Variants in PLD5 observed in about 807,000 individuals in gnomAD.
The protein encoded by PLD5 is inactive phospholipase D5.
A neutral mutation model predicts 61.1 loss-of-function variants in PLD5; 36 were observed. The ratio of observed to expected loss-of-function variants is 0.59; its 90% confidence interval spans 0.45 to 0.78. The LOEUF is 0.78. Ranked by LOEUF, PLD5 falls within the 30% of genes least tolerant of loss-of-function variation. The pLI, the probability that PLD5 is intolerant of heterozygous loss-of-function variation, is 0.00. For synonymous variants in PLD5, 243 were observed against 242.8 expected (o/e 1.00, Z -0.01); for missense variants, 515 against 644.4 (o/e 0.80, Z 2.17).
chr1:242,514,354 C>T (rs913147814), intron 1 of PLD5, among the ~76,000 whole-genome samples: 1 of 152,174 alleles, frequency 6.6e-6, no homozygotes, highest in African/African-American at 2.4e-5. Context: ...CAGTACGAAC[C>T]ATCACCAAGA....
At chr1:242,480,859 G>A (rs192912612) in intron 1 of PLD5, among the ~76,000 whole-genome samples, 81 of 152,256 alleles carry the variant, frequency 5.3e-4, no homozygotes, top group Middle Eastern at 3.4e-3. Context: ...GCATGTGTTG[G>A]CGAGGATGTG....
At chr1:242,229,503 C>T (rs1174953429) in intron 4 of PLD5, among the ~76,000 whole-genome samples, 3 of 152,116 alleles carry the variant, frequency 2.0e-5, no homozygotes, top group African/African-American at 7.2e-5. Flanking sequence ...TACATATATG[C>T]ATATCCTGTT....
intron 5 of PLD5, among the ~76,000 whole-genome samples, chr1:242,144,667 G>A (rs1034897025): frequency 4.6e-5 from 7 of 152,196 alleles, no homozygotes; most frequent in African/African-American, 1.7e-4. Context: ...TGTGGTCCCA[G>A]CTATTCAGGA....
intron 3 of PLD5, among the ~76,000 whole-genome samples, chr1:242,284,682 C>A (rs1674920209): frequency 6.6e-6 from 1 of 152,142 alleles, no homozygotes; most frequent in South Asian, 2.1e-4. Context: ...AGTCACTTGG[C>A]CACCAACAAA....
At chr1:242,380,130 A>G (rs1388187740) in intron 1 of PLD5, among the ~76,000 whole-genome samples, 1 of 152,194 alleles carries the variant, frequency 6.6e-6, no homozygotes, top group Non-Finnish European at 1.5e-5. Flanking sequence ...CAAACTATGA[A>G]AGAGAGCTAA....
chr1:242,301,028 T>A (rs1230030169), intron 2 of PLD5, among the ~76,000 whole-genome samples: 4 of 152,182 alleles, frequency 2.6e-5, no homozygotes, highest in Non-Finnish European at 4.4e-5. Flanking sequence ...TTACTCACAC[T>A]GCCCTAGGAG....
At chr1:242,213,470 C>A (rs1314571541) in intron 5 of PLD5, among the ~76,000 whole-genome samples, 2 of 152,112 alleles carry the variant, frequency 1.3e-5, no homozygotes, top group African/African-American at 2.4e-5. Context: ...TGAAAAAGCA[C>A]AAATGTCCTC....
rs576917494 is a variant in PLD5, at chr1:242,114,166, G to T, written c.934-140C>A. The T allele has an allele frequency of 6.7e-5, 61 of 907,526 alleles. No homozygotes were observed. In the South Asian group the frequency reaches 1.0e-3, roughly 15 times the overall value. The allele number at this position is 907,526 out of a possible 1,614,324, so 56.2% of individuals were successfully genotyped here. ...TTTCTGCTTCATCAAATTAGACAAA[G>T]ATATTTTCAATCTTATCAAAGTTGA... On this transcript the variant is annotated intron_variant, in intron 6 of 9. Coordinates refer to ENST00000536534, the MANE Select transcript of PLD5 (RefSeq NM_001372062.1).
At chr1:242,182,712 A>G (rs1423842416) in intron 5 of PLD5, among the ~76,000 whole-genome samples, 1 of 152,090 alleles carries the variant, frequency 6.6e-6, no homozygotes, top group Non-Finnish European at 1.5e-5. Context: ...GCATGGTGGC[A>G]CACGCCCGAA....
intron 5 of PLD5, chr1:242,147,577 A>C (rs1328919484): frequency 6.6e-6 from 1 of 152,196 alleles, no homozygotes; most frequent in Non-Finnish European, 1.5e-5. Flanking sequence ...TTAACTTCTT[A>C]AGAATTTGCC....
intron 5 of PLD5, among the ~76,000 whole-genome samples, chr1:242,177,373 G>T (rs1295529409): frequency 6.6e-6 from 1 of 152,052 alleles, no homozygotes; most frequent in African/African-American, 2.4e-5. Flanking sequence ...AATGAGAACA[G>T]ACAGACACAG....
intron 4 of PLD5, among the ~76,000 whole-genome samples, chr1:242,260,171 A>T (rs370526133): frequency 1.3e-5 from 2 of 151,956 alleles, no homozygotes; most frequent in East Asian, 1.9e-4. Context: ...ATATGGTGAA[A>T]CTCCATCTCT....
At chr1:242,351,506 G>A (rs1660475692) in intron 1 of PLD5, among the ~76,000 whole-genome samples, 1 of 152,076 alleles carries the variant, frequency 6.6e-6, no homozygotes. Context: ...TTTATGAAGG[G>A]CAGTCCCCCT....
intron 5 of PLD5, among the ~76,000 whole-genome samples, chr1:242,207,500 T>C (rs986885287): frequency 6.6e-6 from 1 of 152,036 alleles, no homozygotes; most frequent in Non-Finnish European, 1.5e-5. Flanking sequence ...ACTGGGATGC[T>C]TTGCTCCTGC....
chr1:242,198,225 A>G (rs976557108), intron 5 of PLD5, among the ~76,000 whole-genome samples: 2 of 152,226 alleles, frequency 1.3e-5, no homozygotes, highest in African/African-American at 4.8e-5. Flanking sequence ...GATAAAGATT[A>G]TAAGTGTTTG....
intron 5 of PLD5, among the ~76,000 whole-genome samples, chr1:242,130,972 A>C (rs1013012497): frequency 1.7e-4 from 26 of 152,118 alleles, no homozygotes; most frequent in African/African-American, 6.3e-4. Context: ...ACTGTAGTCC[A>C]CTGTCAAGAA....
At chr1:242,511,786 T>C (rs1023954220) in intron 1 of PLD5, among the ~76,000 whole-genome samples, 1 of 152,180 alleles carries the variant, frequency 6.6e-6, no homozygotes, top group Non-Finnish European at 1.5e-5. Context: ...GGGACATTAA[T>C]TTAAAAACTA....
chr1:242,214,191 G>A (rs1669999489), intron 5 of PLD5, among the ~76,000 whole-genome samples: 1 of 152,080 alleles, frequency 6.6e-6, no homozygotes, highest in Non-Finnish European at 1.5e-5. Flanking sequence ...GTTTACTGAT[G>A]GTTCAGGTAA....
At chr1:242,124,397 A>G in intron 6 of PLD5, 71 bp downstream of exon 6, 1 of 1,470,234 alleles carries the variant, frequency 6.8e-7, no homozygotes, top group Middle Eastern at 1.8e-4. Context: ...GATCACACTT[A>G]AACATTCCAA....
Sources: allele counts gnomAD v4.1 joint callset (sites outside exome capture counted in the v4.1 genomes callset), GRCh38; gene constraint gnomAD v4.1.1; transcripts MANE v1.5; gene names NCBI Gene and HGNC (gene_info 2026-07-23, HGNC 2026-07-21).